Variants in ENTHD1 observed in about 807,000 individuals in gnomAD.
ENTHD1 encodes the protein ENTH domain containing 1, also known as ENTH domain-containing protein 1.
Under a neutral mutation model 39.1 loss-of-function variants are expected in ENTHD1, and 23 were observed. The observed-to-expected ratio is 0.59, with a 90% confidence interval of 0.42 to 0.83. ENTHD1 has a LOEUF of 0.83. Ranked by LOEUF, ENTHD1 falls within the 40% of genes least tolerant of loss-of-function variation. The pLI is 0.00. For synonymous variants in ENTHD1, 230 were observed against 258.2 expected, an observed-to-expected ratio of 0.89 and a Z score of 1.05; for missense variants, 624 against 705.4, an observed-to-expected ratio of 0.88 and a Z score of 1.31.
intron 2 of ENTHD1, chr22:39,875,984 G>A: frequency 3.1e-6 from 5 of 1,613,938 alleles, no homozygotes; most frequent in Non-Finnish European, 4.2e-6. Flanking sequence ...AGGAGATTTT[G>A]GTGGTTATTA....
At chr22:39,864,837 A>G (rs2066171182) in intron 2 of ENTHD1, among the ~76,000 whole-genome samples, 1 of 152,194 alleles carries the variant, frequency 6.6e-6, no homozygotes, top group African/African-American at 2.4e-5. Context: ...GGTTGCAGTG[A>G]GCTGAGATTG....
At chr22:39,834,921 C>T (rs1345431176) in intron 4 of ENTHD1, among the ~76,000 whole-genome samples, 1 of 152,100 alleles carries the variant, frequency 6.6e-6, no homozygotes, top group Non-Finnish European at 1.5e-5. Flanking sequence ...ATAGACATGA[C>T]AAACACTGCA....
chr22:39,818,320 C>T (rs2065749904), intron 5 of ENTHD1, among the ~76,000 whole-genome samples: 1 of 152,164 alleles, frequency 6.6e-6, no homozygotes, highest in South Asian at 2.1e-4. Context: ...CTGGCTAAGG[C>T]TAGATATGCA....
intron 5 of ENTHD1, among the ~76,000 whole-genome samples, chr22:39,794,803 CAAA>C (rs751655466): frequency 4.9e-5 from 4 of 82,378 alleles, no homozygotes; most frequent in Admixed American, 1.3e-4. Flanking sequence ...GACTCCATCT[CAAA>C]AAAAAAAAAA....
intron 6 of ENTHD1, among the ~76,000 whole-genome samples, chr22:39,760,964 G>T (rs552461389): frequency 1.3e-5 from 2 of 151,894 alleles, no homozygotes; most frequent in Admixed American, 6.5e-5. Flanking sequence ...TATAAGTTTT[G>T]CTTTAGTTAC....
intron 2 of ENTHD1, among the ~76,000 whole-genome samples, chr22:39,873,491 T>C (rs1251805886): frequency 6.6e-6 from 1 of 152,234 alleles, no homozygotes; most frequent in Non-Finnish European, 1.5e-5. Flanking sequence ...AGTATACTAA[T>C]AGCATATGAC....
intron 2 of ENTHD1, among the ~76,000 whole-genome samples, chr22:39,877,557 C>T (rs2066301688): frequency 6.6e-6 from 1 of 152,174 alleles, no homozygotes; most frequent in African/African-American, 2.4e-5. Context: ...GTCGGGAAGC[C>T]TGAACTATAA....
chr22:39,797,649 G>A (rs1213785916), intron 5 of ENTHD1, among the ~76,000 whole-genome samples: 3 of 152,096 alleles, frequency 2.0e-5, no homozygotes, highest in Non-Finnish European at 4.4e-5. Flanking sequence ...AATTCCCTCA[G>A]TTTCTGCTTG....
chr22:39,817,183 C>G (rs934337172), intron 5 of ENTHD1, among the ~76,000 whole-genome samples: 3 of 152,112 alleles, frequency 2.0e-5, no homozygotes, highest in Non-Finnish European at 4.4e-5. Context: ...TACTGATATT[C>G]TGAAGGGCTG....
intron 3 of ENTHD1, among the ~76,000 whole-genome samples, chr22:39,837,475 A>T (rs2065914799): frequency 6.6e-6 from 1 of 152,236 alleles, no homozygotes; most frequent in Admixed American, 6.5e-5. Flanking sequence ...CAAGCATAAG[A>T]ACCTCTAAGG....
intron 3 of ENTHD1, among the ~76,000 whole-genome samples, chr22:39,854,463 G>A (rs919907379): frequency 1.3e-5 from 2 of 152,184 alleles, no homozygotes; most frequent in Admixed American, 1.3e-4. Context: ...CACAGGTAAA[G>A]TTTTGCTGGT....
At chr22:39,862,534 G>A (rs1415959720) in intron 2 of ENTHD1, among the ~76,000 whole-genome samples, 3 of 140,692 alleles carry the variant, frequency 2.1e-5, no homozygotes, top group East Asian at 4.1e-4. Context: ...GCAAGAGAGC[G>A]AGACTCTGTC....
At chr22:39,837,932 A>G (rs1569161562) in intron 3 of ENTHD1, among the ~76,000 whole-genome samples, 2 of 152,352 alleles carry the variant, frequency 1.3e-5, no homozygotes, top group East Asian at 3.9e-4. Flanking sequence ...CATTTTCTGA[A>G]GGAAACTTTA....
chr22:39,768,737 T>C (rs1398125899), intron 5 of ENTHD1, among the ~76,000 whole-genome samples: 1 of 152,136 alleles, frequency 6.6e-6, no homozygotes, highest in Non-Finnish European at 1.5e-5. Flanking sequence ...TTATAAATTA[T>C]TTAATATCAA....
chr22:39,866,135 A>G (rs2066180023), intron 2 of ENTHD1, among the ~76,000 whole-genome samples: 1 of 152,212 alleles, frequency 6.6e-6, no homozygotes, highest in Non-Finnish European at 1.5e-5. Context: ...TTAGAGCACA[A>G]CGGGGGCGTG....
At chr22:39,866,013 T>A (rs1345585993) in intron 2 of ENTHD1, among the ~76,000 whole-genome samples, 1 of 152,200 alleles carries the variant, frequency 6.6e-6, no homozygotes, top group Non-Finnish European at 1.5e-5. Flanking sequence ...CTGAGAAGTC[T>A]CCCTCTTCAA....
At position 39,887,539 on chromosome 22, in the gene ENTHD1, G is replaced by A. The variant is rs115539772; in HGVS notation, c.210C>T (p.His70=). 50 of 1,614,054 alleles carry A rather than the reference G, an allele frequency of 3.1e-5. No homozygotes were observed. Among genetic ancestry groups the A allele is most frequent in the East Asian group, 4.5e-5 (2 of 44,878 alleles). The part of the protein sequence containing the change: ...RLNDHGKNWR[H]VYKSLTLMDY... ...CCATTAGGGTAAGGGATTTATACAC[G>A]TGGCGCCAGTTCTTCCCATGGTCAT... Residue 70 remains histidine, a synonymous_variant, in exon 2 of 7, where the codon CAC becomes CAT. Transcript: ENST00000325157.
intron 6 of ENTHD1, among the ~76,000 whole-genome samples, chr22:39,764,316 C>A (rs1413377395): frequency 6.6e-6 from 1 of 151,844 alleles, no homozygotes; most frequent in East Asian, 1.9e-4. Context: ...TCCACACACA[C>A]AAAAATAAAA....
intron 2 of ENTHD1, among the ~76,000 whole-genome samples, chr22:39,869,746 A>G (rs977381427): frequency 2.0e-5 from 3 of 152,034 alleles, no homozygotes; most frequent in African/African-American, 7.2e-5. Context: ...AAAACCCTCT[A>G]ACAAAGATTT....
Sources: allele counts gnomAD v4.1 joint callset (sites outside exome capture counted in the v4.1 genomes callset), GRCh38; gene constraint gnomAD v4.1.1; transcripts MANE v1.5; gene names NCBI Gene and HGNC (gene_info 2026-07-23, HGNC 2026-07-21).